Variants in NRDC observed in about 807,000 individuals in gnomAD.
The protein encoded by NRDC is nardilysin.
NRDC carries 54 observed loss-of-function variants against 147.1 expected under a neutral mutation model. The observed-to-expected ratio is 0.37, with a 90% CI of 0.29 to 0.46. The LOEUF is 0.46. Among genes scored for constraint, NRDC ranks in the 20% least tolerant of loss-of-function variants. The probability of loss-of-function intolerance (pLI) is 1.00; values close to 1 mark genes in which losing one functional copy is unlikely to be tolerated. For synonymous variants in NRDC, 440 were observed against 482.1 expected (o/e 0.91, Z 1.14); for missense variants, 1,082 against 1,370.6 (o/e 0.79, Z 3.33).
At chr1:51,825,525 T>C in intron 5 of NRDC, 143 bp from the exon 6 acceptor site, 6 of 666,578 alleles carry the variant, frequency 9.0e-6, no homozygotes, top group Non-Finnish European at 1.5e-5. Context: ...AGTGGGAAAC[T>C]CAATGATCCA....
intron 24 of NRDC, among the ~76,000 whole-genome samples, chr1:51,793,572 G>A (rs577570403): frequency 6.6e-6 from 1 of 152,302 alleles, no homozygotes; most frequent in African/African-American, 2.4e-5. Flanking sequence ...CGTGACATCG[G>A]GCAAGTGAAT....
intron 4 of NRDC, among the ~76,000 whole-genome samples, chr1:51,832,200 C>T (rs921527376): frequency 1.3e-5 from 2 of 151,938 alleles, no homozygotes; most frequent in African/African-American, 4.8e-5. Context: ...GCACATGCTA[C>T]CAAGCCCAGC....
At chr1:51,866,136 C>T (rs1295182603) in intron 1 of NRDC, among the ~76,000 whole-genome samples, 1 of 152,086 alleles carries the variant, frequency 6.6e-6, no homozygotes, top group Non-Finnish European at 1.5e-5. Context: ...GCAGGAGGGC[C>T]CCTTGAGCCC....
intron 1 of NRDC, chr1:51,877,918 C>T: frequency 1.5e-6 from 1 of 689,374 alleles, no homozygotes; most frequent in Non-Finnish European, 1.9e-6. Flanking sequence ...AATATCCTGT[C>T]CTCCAAATTA....
At chr1:51,847,513 G>A (rs924435994) in intron 1 of NRDC, among the ~76,000 whole-genome samples, 3 of 152,236 alleles carry the variant, frequency 2.0e-5, no homozygotes, top group African/African-American at 4.8e-5. Context: ...CAGGTCCCGA[G>A]CCCTGCCCTG....
At chr1:51,868,786 T>C (rs1411146447) in intron 1 of NRDC, among the ~76,000 whole-genome samples, 2 of 151,988 alleles carry the variant, frequency 1.3e-5, no homozygotes, top group Non-Finnish European at 1.5e-5. Context: ...AGTGGGAGGA[T>C]CACTTGAGCC....
At chr1:51,850,189 T>TA (rs1553215451) in intron 1 of NRDC, among the ~76,000 whole-genome samples, 2,418 of 151,278 alleles carry the variant, frequency 0.016, 54 homozygotes, top group African/African-American at 0.055. Context: ...AAAAAAATAA[T>TA]AATAAATAAA....
chr1:51,818,138 A>T lies in NRDC; in HGVS notation c.1292-3T>A, dbSNP rs770618980. 6.3e-7 allele frequency: 1 copy of T among 1,592,896 alleles called. No homozygotes were observed. The highest frequency in any genetic ancestry group is 8.5e-7 in the Non-Finnish European group (1 of 1,171,640). Reference sequence around the variant, plus strand: ...ATGAATTTTTCTGATTGGAACAACTAAACAAAAATATTTTCCAGAAGAACA... The same window carrying T: ...ATGAATTTTTCTGATTGGAACAACTTAACAAAAATATTTTCCAGAAGAACA... On this transcript the variant is annotated splice_region_variant and splice_polypyrimidine_tract_variant and intron_variant, in intron 9 of 30. Transcript: ENST00000352171.
Position 51,799,604 on chromosome 1 carries a change from C to T in NRDC, c.2441+952G>A, listed in dbSNP as rs1212697536. On this transcript the variant is annotated intron_variant, in intron 21 of 30. Transcript: ENST00000352171. ...AACTGTCAAGTAGGGGCTAGCCAGT[C>T]ATGTGCACAAAGGGGTAGGTCTGTT... is the stretch of plus-strand genomic sequence containing the variant. Among the ~76,000 whole-genome samples the T allele has an allele frequency of 3.3e-5, 5 of 152,282 alleles. No homozygotes were observed. In the South Asian group the frequency reaches 8.3e-4, roughly 25 times the overall value.
Position 51,847,562 on chromosome 1 carries a change from G to C in NRDC, c.342-7048C>G, listed in dbSNP as rs555956193. On this transcript the variant is annotated intron_variant, in intron 1 of 30. Coordinates refer to ENST00000352171, the MANE Select transcript of NRDC (RefSeq NM_001101662.2). ...AAGGCCCGGCGAGAAATCGAGCGCA[G>C]CGCCAGTGGGCTGGCACTGCTGGGT... Among the ~76,000 whole-genome samples, 3 of 152,344 alleles carry C rather than the reference G, an allele frequency of 2.0e-5. No individual in the cohort carries two copies. In the South Asian group the frequency reaches 6.2e-4, roughly 32 times the overall value.
At chr1:51,814,643 A>G (rs1679877770) in intron 12 of NRDC, 34 bp from the exon 13 acceptor site, 1 of 1,609,042 alleles carries the variant, frequency 6.2e-7, no homozygotes, top group Non-Finnish European at 8.5e-7. Flanking sequence ...TCTTTTGCAT[A>G]AAGTGATATC....
At chr1:51,806,046 T>C (rs905061764) in intron 18 of NRDC, among the ~76,000 whole-genome samples, 4 of 152,146 alleles carry the variant, frequency 2.6e-5, no homozygotes, top group Non-Finnish European at 4.4e-5. Flanking sequence ...AGGTTGGGGA[T>C]ATGGGTTAAA....
intron 1 of NRDC, among the ~76,000 whole-genome samples, chr1:51,846,274 G>A (rs917597559): frequency 1.3e-5 from 2 of 152,002 alleles, no homozygotes; most frequent in Non-Finnish European, 2.9e-5. Context: ...CACCGCACCT[G>A]GTTAATTTTT....
chr1:51,868,323 T>C (rs953516079), intron 1 of NRDC, among the ~76,000 whole-genome samples: 1 of 151,984 alleles, frequency 6.6e-6, no homozygotes, highest in Non-Finnish European at 1.5e-5. Context: ...GAGATACTCA[T>C]GCATGAATTC....
intron 18 of NRDC, among the ~76,000 whole-genome samples, chr1:51,806,161 C>T (rs953608269): frequency 6.6e-6 from 1 of 151,868 alleles, no homozygotes; most frequent in Non-Finnish European, 1.5e-5. Flanking sequence ...AGGGCCACAA[C>T]ATTAAAGATA....
At chr1:51,807,091 A>T (rs187581519) in intron 17 of NRDC, among the ~76,000 whole-genome samples, 178 bp from the exon 18 acceptor site, 1 of 152,380 alleles carries the variant, frequency 6.6e-6, no homozygotes, top group East Asian at 1.9e-4. Context: ...TTGGTCTTAA[A>T]GTAAATAAAT....
intron 1 of NRDC, among the ~76,000 whole-genome samples, chr1:51,852,475 A>G (rs1682005470): frequency 2.0e-4 from 1 of 4,900 alleles, no homozygotes; most frequent in Non-Finnish European, 5.4e-4. Context: ...ATAACTATAT[A>G]TACATTATAT....
chr1:51,828,119 A>T (rs913289037), intron 4 of NRDC, among the ~76,000 whole-genome samples: 2 of 152,244 alleles, frequency 1.3e-5, no homozygotes, highest in African/African-American at 4.8e-5. Context: ...ACTACACCTG[A>T]GTGGCCCACC....
chr1:51,834,857 A>C (rs573765743), intron 3 of NRDC, among the ~76,000 whole-genome samples: 75 of 152,324 alleles, frequency 4.9e-4, no homozygotes, highest in African/African-American at 1.7e-3. Flanking sequence ...GTTACAACTT[A>C]ATCTCTTCAA....
Sources: allele counts gnomAD v4.1 joint callset (sites outside exome capture counted in the v4.1 genomes callset), GRCh38; gene constraint gnomAD v4.1.1; transcripts MANE v1.5; gene names NCBI Gene and HGNC (gene_info 2026-07-23, HGNC 2026-07-21).